HHIPL1: variants seen among roughly 807,000 people sequenced by gnomAD.
HHIPL1 encodes the protein HHIP like 1, also known as HHIP-like protein 1.
A neutral mutation model predicts 61.8 loss-of-function variants in HHIPL1; 43 were observed. That is an observed-to-expected ratio of 0.70 (90% confidence interval 0.55 to 0.90). HHIPL1 has a LOEUF of 0.90. HHIPL1 is among the 40% of genes least tolerant of loss of function. HHIPL1 has a pLI of 0.00. For synonymous variants in HHIPL1, 482 were observed against 515.8 expected, an observed-to-expected ratio of 0.93 and a Z score of 0.89; for missense variants, 1,056 against 1,157.7, an observed-to-expected ratio of 0.91 and a Z score of 1.28.
intron 6 of HHIPL1, 76 bp downstream of exon 6, chr14:99,663,097 C>T: frequency 1.4e-6 from 2 of 1,404,350 alleles, no homozygotes; most frequent in Admixed American, 4.7e-5. Flanking sequence ...TCCTTCTGGT[C>T]TCTGATGTAG....
At chr14:99,659,844 GCA>G (rs1396470568) in intron 4 of HHIPL1, 88 bp downstream of exon 4, 42,803 of 298,844 alleles carry the variant, frequency 0.14, 2,356 homozygotes, top group East Asian at 0.27. Flanking sequence ...CTCGGAGACC[GCA>G]CCCCCCCCCC....
At position 99,660,370 on chromosome 14, in the gene HHIPL1, T is replaced by C. The variant is rs1390528289; in HGVS notation, c.1466T>C (p.Leu489Pro). The C allele has an allele frequency of 6.2e-7, 1 of 1,613,902 alleles. No homozygotes were observed. Among genetic ancestry groups the C allele is most frequent in the East Asian group, 2.2e-5 (1 of 44,856 alleles). Residue 489 changes from leucine (L) to proline (P), a missense_variant, in exon 5 of 9, where the codon CTG (leucine) becomes CCG (proline). Leu to Pro is a moderately conservative substitution (Grantham distance 98). Transcript: ENST00000330710. This position sits in a 1 kb window ranked among gnomAD's most constrained non-coding sequence, Gnocchi z 4.9. ...TACCGGGGCTGCGAGTACCCCAACC[T>C]GAACGGCCTCTACATTTTTGGGGAT... The part of the protein sequence containing the change: ...YVYRGCEYPN[L>P]NGLYIFGDFM...
chr14:99,645,095 C>T, upstream of HHIPL1: 1 of 979,602 alleles, frequency 1.0e-6, no homozygotes, highest in Non-Finnish European at 1.3e-6. Flanking sequence ...TCCCCAAACT[C>T]GAGGCCCTGC....
At chr14:99,640,750 T>A (rs1221852776), upstream of HHIPL1, among the ~76,000 whole-genome samples, 1 of 152,164 alleles carries the variant, frequency 6.6e-6, no homozygotes, top group African/African-American at 2.4e-5. Flanking sequence ...TTCCAGTTCC[T>A]TCCTCCCATC....
Position 99,670,881 on chromosome 14 carries a change from C to G in HHIPL1, c.1731-1436C>G, listed in dbSNP as rs984847163. Reference sequence around the variant, plus strand: ...TTTCCAATTTTCAAAAAAGAATGCTCCTCTGAGGAAATGCTACATATACCA... The same window carrying G: ...TTTCCAATTTTCAAAAAAGAATGCTGCTCTGAGGAAATGCTACATATACCA... On this transcript the variant is annotated intron_variant, in intron 7 of 8. Transcript: ENST00000330710. Among the ~76,000 whole-genome samples the G allele has an allele frequency of 6.6e-5, 10 of 152,168 alleles. No individual in the cohort carries two copies. The East Asian group carries it at 1.5e-3, about 23-fold the overall frequency.
chr14:99,669,154 G>A, intron 7 of HHIPL1: 5 of 1,352,376 alleles, frequency 3.7e-6, no homozygotes, highest in Non-Finnish European at 4.8e-6. Flanking sequence ...TCTCCCAGCT[G>A]CTCTGGGAGT....
At chr14:99,618,194 C>T in the HHIPL1 span, among the ~76,000 whole-genome samples, 3 of 152,252 alleles carry the variant, frequency 2.0e-5, no homozygotes, top group Non-Finnish European at 2.9e-5. Flanking sequence ...GAGGGGACAC[C>T]GCTAGCTACC....
At chr14:99,642,187 G>A (rs573724001), upstream of HHIPL1, among the ~76,000 whole-genome samples, 4 of 152,208 alleles carry the variant, frequency 2.6e-5, no homozygotes, top group Middle Eastern at 3.4e-3. Context: ...TGATCAGCCC[G>A]CCTCCACCTC....
At chr14:99,605,355 C>T in the HHIPL1 span, among the ~76,000 whole-genome samples, 4 of 144,208 alleles carry the variant, frequency 2.8e-5, no homozygotes, top group Non-Finnish European at 6.0e-5. Flanking sequence ...ATTTACGGCG[C>T]GTCTACCGCC....
At chr14:99,616,875 CA>C in the HHIPL1 span, among the ~76,000 whole-genome samples, 2 of 151,622 alleles carry the variant, frequency 1.3e-5, no homozygotes, top group Non-Finnish European at 2.9e-5. Context: ...GTAAACCTTG[CA>C]AAAATGCAAG....
chr14:99,659,665 G>C lies in HHIPL1; in HGVS notation c.1284G>C (p.Val428=). 2 of 1,542,494 alleles carry C rather than the reference G, an allele frequency of 1.3e-6. No homozygotes were observed. The highest frequency in any genetic ancestry group is 4.9e-5 in the East Asian group (2 of 40,808). The part of the protein sequence containing the change: ...GDVGQNKFEE[V]DVVERGGNYG... ...TGGGCCAGAACAAGTTCGAGGAGGT[G>C]GACGTGGTGGAGCGCGGCGGCAACT... The change falls in exon 4 of 9, where the codon GTG becomes GTC. Residue 428 remains valine (V), a synonymous_variant. Transcript: ENST00000330710.
intron 7 of HHIPL1, 89 bp from the exon 8 acceptor site, chr14:99,672,228 C>A: frequency 1.0e-6 from 1 of 954,708 alleles, no homozygotes; most frequent in Non-Finnish European, 1.6e-6. Context: ...ACTATCGTTG[C>A]TGTTCATACC....
chr14:99,644,141 T>C (rs2055789352), upstream of HHIPL1, among the ~76,000 whole-genome samples: 1 of 152,106 alleles, frequency 6.6e-6, no homozygotes. Context: ...CCGCATCTCA[T>C]CCACCCCCAG....
At chr14:99,669,872 C>CTA (rs1410345826) in intron 7 of HHIPL1, among the ~76,000 whole-genome samples, 1 of 152,226 alleles carries the variant, frequency 6.6e-6, no homozygotes, top group African/African-American at 2.4e-5. Context: ...CTGCAGTGAG[C>CTA]TATGATCGCA....
At chr14:99,657,738 C>CATAT (rs2056072653) in intron 3 of HHIPL1, among the ~76,000 whole-genome samples, 1 of 151,100 alleles carries the variant, frequency 6.6e-6, no homozygotes, top group Admixed American at 6.5e-5. Context: ...TATATACACA[C>CATAT]ATACACACAC....
chr14:99,609,709 C>G, the HHIPL1 span, among the ~76,000 whole-genome samples: 1 of 152,206 alleles, frequency 6.6e-6, no homozygotes, highest in African/African-American at 2.4e-5. Flanking sequence ...TCCTTCATCC[C>G]CACTGTTAAC....
the HHIPL1 span, among the ~76,000 whole-genome samples, chr14:99,637,028 A>AAAGAAAGC: frequency 7.7e-6 from 1 of 129,422 alleles, no homozygotes; most frequent in African/African-American, 2.9e-5. Context: ...AGAAAGAAAG[A>AAAGAAAGC]AAGAAAGAAA....
At chr14:99,610,818 C>T in the HHIPL1 span, among the ~76,000 whole-genome samples, 1 of 152,174 alleles carries the variant, frequency 6.6e-6, no homozygotes, top group African/African-American at 2.4e-5. Context: ...CATGGTCCTT[C>T]ATGTGTTCAT....
chr14:99,604,753 C>G, the HHIPL1 span: 1 of 152,366 alleles, frequency 6.6e-6, no homozygotes, highest in Non-Finnish European at 1.5e-5. Flanking sequence ...AACAAATACC[C>G]ACGATCCGGG....
Sources: gnomAD v4.1 joint callset for allele counts (sites outside exome capture counted in the v4.1 genomes callset) on GRCh38, gnomAD v4.1.1 for gene constraint, Gnocchi (gnomAD v3.1) non-coding constraint, MANE v1.5 for transcripts, NCBI Gene and HGNC (gene_info 2026-07-23, HGNC 2026-07-21) for gene names.